Variants in CDH13 observed in about 807,000 individuals in gnomAD.
The protein encoded by CDH13 is cadherin 13, also known as cadherin-13.
CDH13 carries 24 observed loss-of-function variants against 63.8 expected under a neutral mutation model. That is an observed-to-expected ratio of 0.38 (90% CI 0.27 to 0.53). The LOEUF is 0.53. CDH13 is among the 20% of genes least tolerant of loss of function. The pLI is 0.85. For synonymous variants in CDH13, 503 were observed against 355.3 expected (o/e 1.42, Z -4.67); for missense variants, 1,049 against 903.1 (o/e 1.16, Z -2.07).
At chr16:83,586,145 C>G (rs1221525584) in intron 7 of CDH13, among the ~76,000 whole-genome samples, 1 of 149,154 alleles carries the variant, frequency 6.7e-6, no homozygotes. Context: ...GAGTGGAGCC[C>G]GGATGAACTG....
At chr16:83,446,671 T>C (rs528683748) in intron 6 of CDH13, among the ~76,000 whole-genome samples, 1 of 152,166 alleles carries the variant, frequency 6.6e-6, no homozygotes, top group African/African-American at 2.4e-5. Flanking sequence ...GAGCTCCAGA[T>C]AGGAAAGTCT....
At chr16:83,517,270 A>G (rs929402011) in intron 7 of CDH13, among the ~76,000 whole-genome samples, 1 of 152,264 alleles carries the variant, frequency 6.6e-6, no homozygotes, top group African/African-American at 2.4e-5. Flanking sequence ...TTATCAATCT[A>G]AAAGCAAACT....
At chr16:83,000,079 A>G (rs754288382) in intron 2 of CDH13, among the ~76,000 whole-genome samples, 2 of 152,212 alleles carry the variant, frequency 1.3e-5, no homozygotes, top group East Asian at 1.9e-4. Flanking sequence ...GCTGTGGCTG[A>G]AAAACCCTGG....
intron 6 of CDH13, among the ~76,000 whole-genome samples, chr16:83,473,280 C>A (rs1175963703): frequency 6.6e-6 from 1 of 152,212 alleles, no homozygotes; most frequent in Admixed American, 6.5e-5. Flanking sequence ...CTTGCAACAT[C>A]ACCATGTTAC....
At chr16:83,587,026 C>G (rs377216425) in intron 7 of CDH13, among the ~76,000 whole-genome samples, 4 of 152,272 alleles carry the variant, frequency 2.6e-5, no homozygotes, top group African/African-American at 9.6e-5. Flanking sequence ...TTATTACTCT[C>G]TCCGTGGGCT....
At chr16:83,619,212 G>A (rs927648130) in intron 8 of CDH13, among the ~76,000 whole-genome samples, 1 of 152,206 alleles carries the variant, frequency 6.6e-6, no homozygotes, top group African/African-American at 2.4e-5. Flanking sequence ...TCTGTGATAA[G>A]CTAGAGCGCA....
chr16:83,176,019 G>GT lies in CDH13; in HGVS notation c.484-41317dup, dbSNP rs201422569. Among the ~76,000 whole-genome samples, 154 of 145,582 alleles carry GT rather than the reference G, an allele frequency of 1.1e-3. No individual in the cohort carries two copies. The East Asian group carries it at 0.013, about 12-fold the overall frequency. On this transcript the variant is annotated intron_variant, in intron 4 of 13. Coordinates refer to ENST00000567109, the MANE Select transcript of CDH13 (RefSeq NM_001257.5). The stretch of plus-strand genomic sequence containing the variant: ...AATTTTTGTTTTTGTTTTTGTTTTT[G>GT]TTTTTTTTTCAGTAGAGACGGGGTT...
chr16:83,443,951 A>T (rs75929636), intron 6 of CDH13, among the ~76,000 whole-genome samples: 4 of 149,214 alleles, frequency 2.7e-5, no homozygotes, highest in Non-Finnish European at 5.9e-5. Context: ...AAAAAAATCA[A>T]TGGTACCTCC....
intron 4 of CDH13, chr16:83,180,922 C>T: frequency 6.5e-7 from 1 of 1,531,186 alleles, no homozygotes; most frequent in Non-Finnish European, 8.8e-7. Flanking sequence ...GGCATTACAG[C>T]AGATTTAAAT....
chr16:83,704,166 T>C (rs1181547573), intron 10 of CDH13, among the ~76,000 whole-genome samples: 1 of 152,156 alleles, frequency 6.6e-6, no homozygotes, highest in Non-Finnish European at 1.5e-5. Flanking sequence ...TGATTTCCAG[T>C]GTGGTCTGGA....
At chr16:82,796,092 T>A (rs1316942799) in intron 1 of CDH13, among the ~76,000 whole-genome samples, 1 of 152,190 alleles carries the variant, frequency 6.6e-6, no homozygotes, top group African/African-American at 2.4e-5. Flanking sequence ...CAGGTTCCTG[T>A]GCCTCTCCTG....
intron 1 of CDH13, among the ~76,000 whole-genome samples, chr16:82,690,450 T>C (rs751895768): frequency 6.6e-6 from 1 of 152,248 alleles, no homozygotes. Flanking sequence ...ATCTTAGGGC[T>C]GGTCTGTCTT....
intron 2 of CDH13, among the ~76,000 whole-genome samples, chr16:82,862,255 G>A (rs1295462166): frequency 6.6e-6 from 1 of 152,188 alleles, no homozygotes; most frequent in Non-Finnish European, 1.5e-5. Context: ...CAGAACAGAA[G>A]ATCCCCAGTC....
At chr16:82,628,199 C>G (rs893437203) in intron 1 of CDH13, among the ~76,000 whole-genome samples, 1 of 152,198 alleles carries the variant, frequency 6.6e-6, no homozygotes, top group Non-Finnish European at 1.5e-5. Flanking sequence ...CATCGCCTCT[C>G]TGGCAGGCGT....
chr16:82,844,005 C>G lies in CDH13; in HGVS notation c.46-14357C>G, dbSNP rs937782544. Among the ~76,000 whole-genome samples, 4 of 152,178 alleles carry G rather than the reference C, an allele frequency of 2.6e-5. No homozygotes were observed. In the South Asian group the frequency reaches 6.2e-4, roughly 24 times the overall value. ...CTACAGCTGTACTTATAGAACTTTC[C>G]TTTCCCTCTTGTAAGCTTCTCATGG... On this transcript the variant is annotated intron_variant, in intron 1 of 13. Transcript: ENST00000567109.
At chr16:83,008,790 G>C (rs141051133) in intron 2 of CDH13, among the ~76,000 whole-genome samples, 55 of 152,208 alleles carry the variant, frequency 3.6e-4, no homozygotes, top group African/African-American at 1.3e-3. Flanking sequence ...TTCTATATTA[G>C]TCCATTCTGA....
chr16:83,741,005 A>C (rs1597156646), intron 10 of CDH13, among the ~76,000 whole-genome samples: 1 of 152,216 alleles, frequency 6.6e-6, no homozygotes, highest in Non-Finnish European at 1.5e-5. Flanking sequence ...CTAGGGCCCT[A>C]GAGACCATGG....
intron 10 of CDH13, among the ~76,000 whole-genome samples, chr16:83,691,585 G>A (rs931333644): frequency 6.6e-6 from 1 of 152,056 alleles, no homozygotes; most frequent in African/African-American, 2.4e-5. Context: ...GGGAGGCCAG[G>A]GCAGGTGGGT....
intron 7 of CDH13, among the ~76,000 whole-genome samples, chr16:83,523,533 C>T (rs1280299502): frequency 6.6e-6 from 1 of 152,268 alleles, no homozygotes; most frequent in South Asian, 2.1e-4. Flanking sequence ...CAACCAGTGC[C>T]CCCCACACCA....
Sources: allele counts gnomAD v4.1 joint callset (sites outside exome capture counted in the v4.1 genomes callset), GRCh38; gene constraint gnomAD v4.1.1; transcripts MANE v1.5; gene names NCBI Gene and HGNC (gene_info 2026-07-23, HGNC 2026-07-21).